The following LRP6 variants were observed in gnomAD, a reference collection of about 807,000 sequenced individuals.
The protein encoded by LRP6 is LDL receptor related protein 6.
A neutral mutation model predicts 184.1 loss-of-function variants in LRP6; 43 were observed. The observed-to-expected ratio is 0.23, with a 90% confidence interval of 0.18 to 0.30. The LOEUF is 0.30. Among genes scored for constraint, LRP6 ranks in the 10% least tolerant of loss-of-function variants. The probability of loss-of-function intolerance (pLI) is 1.00; values close to 1 mark genes in which losing one functional copy is unlikely to be tolerated. For missense variants in LRP6, 1,571 were observed against 2,005.3 expected (o/e 0.78, Z 4.14); for synonymous variants, 719 against 684.9 (o/e 1.05, Z -0.78).
intron 1 of LRP6, among the ~76,000 whole-genome samples, 159 bp from the exon 2 acceptor site, chr12:12,244,814 T>C (rs974138168): frequency 4.6e-5 from 7 of 152,206 alleles, no homozygotes; most frequent in Admixed American, 3.9e-4. Flanking sequence ...ACACAAAATA[T>C]TATTTTTGCA....
In LRP6 at chr12:12,186,935, T is replaced by G; in HGVS notation, c.832A>C (p.Arg278=). The change falls in exon 4 of 23, where the codon AGG becomes CGG. Residue 278 remains arginine (R), a synonymous_variant. Coordinates refer to ENST00000261349, the MANE Select transcript of LRP6 (RefSeq NM_002336.3). ...AAGGATCACTTACCATTTGGCTGCC[T>G]CTGTTGGCTGAAGGCATGTATATCC... The part of the protein sequence containing the change: ...PMDIHAFSQQ[R]QPNATNPCGI... 6.2e-7 allele frequency: 1 copy of G among 1,614,174 alleles called. No homozygotes were observed. The highest frequency in any genetic ancestry group is 1.3e-5 in the African/African-American group (1 of 75,060).
intron 3 of LRP6, among the ~76,000 whole-genome samples, chr12:12,197,467 A>G (rs1174594643): frequency 2.0e-5 from 3 of 152,234 alleles, no homozygotes; most frequent in Non-Finnish European, 4.4e-5. Context: ...AGTCCTCTTC[A>G]GTGTTCACAG....
chr12:12,257,331 C>A lies in LRP6; in HGVS notation c.55+9350G>T, dbSNP rs373036958. 1.3e-4 allele frequency among the ~76,000 whole-genome samples: 20 copies of A among 152,156 alleles called. No homozygotes were observed. The East Asian group carries it at 1.5e-3, about 12-fold the overall frequency. On this transcript the variant is annotated intron_variant, in intron 1 of 22. Coordinates refer to ENST00000261349, the MANE Select transcript of LRP6 (RefSeq NM_002336.3). ...CGGTGGCTCACGCCTGTAATCCCAG[C>A]ACTTTGGGAGGCCGAGGCGGGTGGA...
Position 12,168,115 on chromosome 12 carries a change from C to A in LRP6, c.1546-2820G>T, listed in dbSNP as rs368019269. ...TTTTGCTGCTCTGCCAGACCCCTAACTCACCTCCCCGCAAATCAAACAACA... is the reference window on the plus strand; with the variant it reads ...TTTTGCTGCTCTGCCAGACCCCTAAATCACCTCCCCGCAAATCAAACAACA... On this transcript the variant is annotated intron_variant, in intron 7 of 22. Transcript: ENST00000261349. Among the ~76,000 whole-genome samples the A allele has an allele frequency of 2.0e-5, 3 of 152,300 alleles. No homozygotes were observed. In the East Asian group the frequency reaches 5.8e-4, roughly 29 times the overall value.
At chr12:12,230,753 T>C (rs143685572) in intron 2 of LRP6, among the ~76,000 whole-genome samples, 2 of 152,250 alleles carry the variant, frequency 1.3e-5, no homozygotes, top group African/African-American at 4.8e-5. Context: ...TTACAAAACA[T>C]CTAGAACTAC....
intron 2 of LRP6, among the ~76,000 whole-genome samples, chr12:12,217,669 T>C (rs1352995203): frequency 2.6e-5 from 4 of 152,126 alleles, no homozygotes; most frequent in African/African-American, 9.7e-5. Flanking sequence ...GACAGTGTGA[T>C]ACTAGCATAA....
chr12:12,248,266 T>C (rs1386427857), intron 1 of LRP6, among the ~76,000 whole-genome samples: 5 of 152,188 alleles, frequency 3.3e-5, no homozygotes, highest in Admixed American at 2.6e-4. Context: ...GCTATTGTTT[T>C]GTTTTAATAA....
rs572827842 is a variant in LRP6 at position 12,149,597 on chromosome 12, A to G, written c.2995-444T>C. On this transcript the variant is annotated intron_variant, in intron 13 of 22. Coordinates refer to ENST00000261349, the MANE Select transcript of LRP6 (RefSeq NM_002336.3). ...TTACTGTCACGACTGTGGGAATACAACTGGTAACTAGCAGGCAGAGACCAG... is the reference window on the plus strand; with the variant it reads ...TTACTGTCACGACTGTGGGAATACAGCTGGTAACTAGCAGGCAGAGACCAG... Among the ~76,000 whole-genome samples, 175 of 152,322 alleles carry G rather than the reference A, an allele frequency of 1.1e-3. 1 individual carries two copies. The highest frequency in any genetic ancestry group is 2.1e-3 in the Non-Finnish European group (140 of 68,032).
At chr12:12,126,236 A>C (rs1050052966) in intron 20 of LRP6, among the ~76,000 whole-genome samples, 2 of 152,218 alleles carry the variant, frequency 1.3e-5, no homozygotes, top group Non-Finnish European at 2.9e-5. Flanking sequence ...AGTCAGGAGA[A>C]AACTTAAGAC....
intron 7 of LRP6, among the ~76,000 whole-genome samples, chr12:12,173,531 T>G (rs1038667266): frequency 1.3e-5 from 2 of 151,904 alleles, no homozygotes; most frequent in Non-Finnish European, 2.9e-5. Flanking sequence ...TTTATAGAGA[T>G]GGGGTTTTGC....
chr12:12,258,072 T>C (rs1318384077), intron 1 of LRP6, among the ~76,000 whole-genome samples: 1 of 152,190 alleles, frequency 6.6e-6, no homozygotes, highest in Admixed American at 6.5e-5. Context: ...GATATGAATA[T>C]GCTGATTTTT....
intron 2 of LRP6, among the ~76,000 whole-genome samples, chr12:12,203,966 A>G (rs6488507): frequency 0.46 from 69,338 of 151,932 alleles, 16,770 homozygotes; most frequent in East Asian, 0.76. Context: ...CACCATTTCA[A>G]TGTATCTCCC....
chr12:12,190,566 T>C (rs959138243), intron 3 of LRP6, among the ~76,000 whole-genome samples: 3 of 152,222 alleles, frequency 2.0e-5, no homozygotes, highest in Admixed American at 6.5e-5. Context: ...TTGAGATTCT[T>C]TGAACTCTGC....
intron 2 of LRP6, among the ~76,000 whole-genome samples, chr12:12,238,504 A>C (rs191734141): frequency 5.7e-4 from 87 of 152,282 alleles, no homozygotes; most frequent in African/African-American, 1.9e-3. Flanking sequence ...GCAAAATACC[A>C]AAAATCAAGA....
chr12:12,187,977 CGAG>C (rs1162200514), intron 3 of LRP6, among the ~76,000 whole-genome samples: 2 of 151,874 alleles, frequency 1.3e-5, no homozygotes, highest in Non-Finnish European at 2.9e-5. Flanking sequence ...TTTGGGAGGC[CGAG>C]GTGGGTGGAT....
chr12:12,255,695 C>G (rs1481402909), intron 1 of LRP6, among the ~76,000 whole-genome samples: 1 of 151,366 alleles, frequency 6.6e-6, no homozygotes. Context: ...CTCAGCCTCT[C>G]AAGCAGCTGG....
chr12:12,190,980 A>G (rs1863597376), intron 3 of LRP6, among the ~76,000 whole-genome samples: 1 of 152,252 alleles, frequency 6.6e-6, no homozygotes, highest in Non-Finnish European at 1.5e-5. Context: ...AATGGTAGAG[A>G]AAACTACCAA....
chr12:12,145,206 G>A (rs1054205653), intron 15 of LRP6, among the ~76,000 whole-genome samples: 32 of 151,866 alleles, frequency 2.1e-4, no homozygotes, highest in African/African-American at 7.7e-4. Flanking sequence ...AGACAGAGGA[G>A]ATCAGATGAG....
At chr12:12,266,500 GC>G (rs1865767279) in intron 1 of LRP6, among the ~76,000 whole-genome samples, 180 bp downstream of exon 1, 1 of 152,080 alleles carries the variant, frequency 6.6e-6, no homozygotes, top group Non-Finnish European at 1.5e-5. Flanking sequence ...CCGCATTGTG[GC>G]CGGGCGGTGC....
Sources: allele counts gnomAD v4.1 joint callset (sites outside exome capture counted in the v4.1 genomes callset), GRCh38; gene constraint gnomAD v4.1.1; transcripts MANE v1.5; gene names NCBI Gene and HGNC (gene_info 2026-07-23, HGNC 2026-07-21).